The following LRP1B variants were observed in gnomAD, a reference collection of about 807,000 sequenced individuals.
LRP1B encodes low-density lipoprotein receptor-related protein 1B.
A neutral mutation model predicts 556.6 loss-of-function variants in LRP1B; 217 were observed. The ratio of observed to expected loss-of-function variants is 0.39; its 90% confidence interval spans 0.35 to 0.44. LRP1B has a LOEUF of 0.44. Among genes scored for constraint, LRP1B ranks in the 20% least tolerant of loss-of-function variants. The probability of loss-of-function intolerance (pLI) is 1.00; values close to 1 mark genes in which losing one functional copy is unlikely to be tolerated. For missense variants in LRP1B, 5,053 were observed against 5,620.8 expected, an observed-to-expected ratio of 0.90 and a Z score of 3.23; for synonymous variants, 2,047 against 1,865.8, an observed-to-expected ratio of 1.10 and a Z score of -2.50.
intron 2 of LRP1B, among the ~76,000 whole-genome samples, chr2:141,619,143 T>C (rs923677106): frequency 1.1e-4 from 16 of 152,170 alleles, no homozygotes; most frequent in Non-Finnish European, 2.2e-4. Flanking sequence ...TTTATGCCAC[T>C]CCCCACCTCA....
chr2:141,508,086 C>CT (rs1553523441), intron 2 of LRP1B, among the ~76,000 whole-genome samples: 1 of 30,250 alleles, frequency 3.3e-5, no homozygotes, highest in East Asian at 4.5e-3. Flanking sequence ...ACTCCATCCC[C>CT]CCCCCAAAAA....
intron 3 of LRP1B, among the ~76,000 whole-genome samples, chr2:141,300,381 A>G (rs1284943470): frequency 6.6e-6 from 1 of 152,204 alleles, no homozygotes; most frequent in East Asian, 1.9e-4. Flanking sequence ...AGCATTGGAT[A>G]TAAGTACAGA....
At chr2:141,608,720 T>A (rs1045559861) in intron 2 of LRP1B, among the ~76,000 whole-genome samples, 1 of 152,210 alleles carries the variant, frequency 6.6e-6, no homozygotes, top group Non-Finnish European at 1.5e-5. Flanking sequence ...ATAAAGGATA[T>A]ATGGCCCATT....
intron 18 of LRP1B, among the ~76,000 whole-genome samples, chr2:140,967,802 T>A (rs1408047841): frequency 6.6e-6 from 1 of 152,092 alleles, no homozygotes; most frequent in Admixed American, 6.6e-5. Context: ...AATAATCATG[T>A]GTTTTTTTGT....
intron 5 of LRP1B, among the ~76,000 whole-genome samples, chr2:141,237,795 G>A (rs865952684): frequency 5.3e-5 from 8 of 151,916 alleles, no homozygotes; most frequent in Admixed American, 2.0e-4. Flanking sequence ...GCAAACTGGC[G>A]GCTCTCACAA....
At chr2:141,910,127 C>T (rs1561020) in intron 1 of LRP1B, among the ~76,000 whole-genome samples, 60,096 of 135,566 alleles carry the variant, frequency 0.44, 13,184 homozygotes, top group South Asian at 0.58. Context: ...GGTGACAGAG[C>T]GAGACTCCAT....
At chr2:141,868,094 A>G (rs1698472198) in intron 1 of LRP1B, among the ~76,000 whole-genome samples, 1 of 152,180 alleles carries the variant, frequency 6.6e-6, no homozygotes, top group Non-Finnish European at 1.5e-5. Context: ...CAAATCCTAA[A>G]GGAGTACATA....
chr2:140,252,089 A>AAAAAAAAAAAAAAAAAAC (rs1558926907), intron 86 of LRP1B, among the ~76,000 whole-genome samples: 1 of 67,238 alleles, frequency 1.5e-5, no homozygotes, highest in African/African-American at 5.9e-5. Flanking sequence ...AAAAAAAAAA[A>AAAAAAAAAAAAAAAAAAC]CCCAAAAAAC....
chr2:141,753,692 A>G (rs1032362487), intron 2 of LRP1B, among the ~76,000 whole-genome samples: 2 of 152,076 alleles, frequency 1.3e-5, no homozygotes, highest in African/African-American at 4.8e-5. Flanking sequence ...AACCTCTCCA[A>G]TGACTTTCCA....
chr2:141,204,660 A>T (rs1038966973), intron 6 of LRP1B, among the ~76,000 whole-genome samples: 1 of 152,210 alleles, frequency 6.6e-6, no homozygotes, highest in East Asian at 1.9e-4. Flanking sequence ...AGTTCTGAAA[A>T]TAATTCATAT....
chr2:140,592,025 T>C (rs995452849), intron 43 of LRP1B, among the ~76,000 whole-genome samples: 3 of 152,194 alleles, frequency 2.0e-5, no homozygotes, highest in Non-Finnish European at 4.4e-5. Context: ...AGTCTATGCA[T>C]GTGAAAATAT....
At chr2:140,319,378 A>G (rs1388905619) in intron 82 of LRP1B, among the ~76,000 whole-genome samples, 2 of 152,142 alleles carry the variant, frequency 1.3e-5, no homozygotes, top group African/African-American at 4.8e-5. Context: ...AAATTTTCTA[A>G]GTAGATACAG....
At chr2:142,001,729 G>A (rs1464584150) in intron 1 of LRP1B, among the ~76,000 whole-genome samples, 1 of 152,058 alleles carries the variant, frequency 6.6e-6, no homozygotes, top group African/African-American at 2.4e-5. Context: ...TATACTGCAG[G>A]CGTGTCCATA....
chr2:141,691,465 A>AACACACACACAC (rs10522926), intron 2 of LRP1B, among the ~76,000 whole-genome samples: 9 of 133,246 alleles, frequency 6.8e-5, no homozygotes, highest in South Asian at 2.6e-4. Flanking sequence ...GTAATCAGCC[A>AACACACACACAC]ACACACACAC....
intron 3 of LRP1B, among the ~76,000 whole-genome samples, chr2:141,479,396 G>C (rs1682833312): frequency 2.6e-5 from 4 of 152,050 alleles, no homozygotes; most frequent in African/African-American, 9.7e-5. Flanking sequence ...CCGAACAACT[G>C]GAATTTCTGG....
intron 88 of LRP1B, among the ~76,000 whole-genome samples, 171 bp from the exon 89 acceptor site, chr2:140,238,467 T>C (rs1680808523): frequency 6.6e-6 from 1 of 151,008 alleles, no homozygotes; most frequent in South Asian, 2.1e-4. Context: ...TTTTCCCAGT[T>C]GTTTTGACTT....
chr2:141,117,870 C>A (rs1432414843), intron 7 of LRP1B, among the ~76,000 whole-genome samples: 2 of 151,874 alleles, frequency 1.3e-5, no homozygotes, highest in Non-Finnish European at 2.9e-5. Context: ...CTCACTAAAT[C>A]TTAAAAATAA....
At chr2:140,964,094 A>G (rs7583116) in intron 18 of LRP1B, among the ~76,000 whole-genome samples, 56,525 of 151,976 alleles carry the variant, frequency 0.37, 10,842 homozygotes, top group East Asian at 0.52. Context: ...GTAAGGTCAC[A>G]TGTCCACTGG....
chr2:142,010,835 C>T (rs574456094), intron 1 of LRP1B, among the ~76,000 whole-genome samples: 6 of 152,144 alleles, frequency 3.9e-5, no homozygotes, highest in South Asian at 4.1e-4. Flanking sequence ...GGAAAGAAGG[C>T]GACATCATTT....
Sources: allele counts gnomAD v4.1 joint callset (sites outside exome capture counted in the v4.1 genomes callset), GRCh38; gene constraint gnomAD v4.1.1; transcripts MANE v1.5; gene names NCBI Gene and HGNC (gene_info 2026-07-23, HGNC 2026-07-21).